The following RNF11 variants were observed in gnomAD, a reference collection of about 807,000 sequenced individuals.
RNF11 encodes ring finger protein 11.
Under a neutral mutation model 15.8 loss-of-function variants are expected in RNF11, and 4 were observed. The ratio of observed to expected loss-of-function variants is 0.25; its 90% CI spans 0.12 to 0.58. RNF11 has a LOEUF of 0.58. RNF11 is among the 20% of genes least tolerant of loss of function. The pLI, the probability that RNF11 is intolerant of heterozygous loss-of-function variation, is 0.91. For missense variants in RNF11, 139 were observed against 194.4 expected (o/e 0.71, Z 1.70); for synonymous variants, 68 against 72.3 (o/e 0.94, Z 0.30).
intron 1 of RNF11, among the ~76,000 whole-genome samples, chr1:51,258,627 A>T (rs1646915814): frequency 6.6e-6 from 1 of 152,186 alleles, no homozygotes; most frequent in African/African-American, 2.4e-5. Context: ...TATCAGAAAT[A>T]CCCATATGTA....
intron 1 of RNF11, among the ~76,000 whole-genome samples, chr1:51,268,010 C>T (rs1049659984): frequency 4.6e-5 from 7 of 152,202 alleles, no homozygotes; most frequent in Admixed American, 6.5e-5. Context: ...GGATTACACG[C>T]ATGAGCTACC....
rs1227314955 is a variant in RNF11, at chr1:51,271,613, CA to C, written c.*292del. ...TAGGAATTGTGTAAAGTGTTAACAG[CA>C]GCTGTATTTGTTTAAATTGTGTGTA... is the stretch of plus-strand genomic sequence containing the variant. On this transcript the variant is annotated 3_prime_UTR_variant, in exon 3 of 3. Transcript: ENST00000242719. 4.7e-6 allele frequency: 1 copy of C among 212,150 alleles called. No homozygotes were observed. The highest frequency in any genetic ancestry group is 9.4e-6 in the Non-Finnish European group (1 of 106,546). The allele number at this position is 212,150 out of a possible 1,614,324, so 13.1% of individuals were successfully genotyped here.
rs1329666464 is a variant in RNF11, at chr1:51,272,584, C to G, written c.*1262C>G. 2.6e-5 allele frequency: 4 copies of G among 152,524 alleles called. No homozygotes were observed. Among genetic ancestry groups the G allele is most frequent in the African/African-American group, 9.7e-5 (4 of 41,432 alleles). 9.4% of individuals were successfully genotyped at this position (152,524 alleles called of 1,614,324 possible). ...GTTAATGTAAGAATACTTTAAATCT[C>G]TAAGCTTCTGAAGTGTTAGAGGTAG... is the stretch of plus-strand genomic sequence containing the variant. On this transcript the variant is annotated 3_prime_UTR_variant, in exon 3 of 3. Transcript: ENST00000242719.
chr1:51,251,236 A>G (rs1569664065), intron 1 of RNF11: 5 of 1,330,122 alleles, frequency 3.8e-6, no homozygotes, highest in Non-Finnish European at 5.3e-6. Flanking sequence ...GAGAAGAGAT[A>G]GATCTCCTCC....
Position 51,257,728 on chromosome 1 carries a change from G to A in RNF11, c.124-12228G>A, listed in dbSNP as rs1214715558. ...CTGCCTCAGCCTCCCAAAGTGCTGG[G>A]ATTACAGGCGTGAGCTACTGTGCCC... On this transcript the variant is annotated intron_variant, in intron 1 of 2. Coordinates refer to ENST00000242719, the MANE Select transcript of RNF11 (RefSeq NM_014372.5). 2.0e-5 allele frequency among the ~76,000 whole-genome samples: 3 copies of A among 151,984 alleles called. No individual in the cohort carries two copies. In the South Asian group the frequency reaches 6.2e-4, roughly 32 times the overall value.
intron 2 of RNF11, 27 bp downstream of exon 2, chr1:51,270,152 C>A: frequency 6.4e-7 from 1 of 1,555,260 alleles, no homozygotes; most frequent in Non-Finnish European, 8.7e-7. Context: ...TTGTACATTT[C>A]AAAGTTTTAT....
Position 51,271,262 on chromosome 1 carries a change from G to A in RNF11, c.405G>A (p.Thr135=), listed in dbSNP as rs763186793. ...CIDDWLMRSF[T]CPSCMEPVDA... is the part of the protein sequence containing the mutation. ...ATGACTGGTTGATGAGATCCTTCACGTGCCCCTCCTGCATGGAGCCAGTTG... is the reference window on the plus strand; with the variant it reads ...ATGACTGGTTGATGAGATCCTTCACATGCCCCTCCTGCATGGAGCCAGTTG... The change falls in exon 3 of 3, where the codon ACG becomes ACA. Residue 135 remains threonine, a synonymous_variant. Transcript: ENST00000242719. The A allele has an allele frequency of 4.3e-6, 7 of 1,613,880 alleles. No homozygotes were observed. The highest frequency in any genetic ancestry group is 2.2e-5 in the East Asian group (1 of 44,888).
intron 1 of RNF11, among the ~76,000 whole-genome samples, chr1:51,268,895 AGAGAATCATGATGGG>A (rs1299794850): frequency 2.0e-5 from 3 of 152,248 alleles, no homozygotes; most frequent in Admixed American, 6.5e-5. Context: ...TCTGCAAAGC[AGAGAATCATGATGGG>A]GAGAATCATG....
intron 1 of RNF11, among the ~76,000 whole-genome samples, chr1:51,237,958 A>G (rs753692544): frequency 1.3e-5 from 2 of 151,880 alleles, no homozygotes; most frequent in Non-Finnish European, 2.9e-5. Flanking sequence ...CACCAGAAAA[A>G]CCTGATCATA....
At position 51,250,909 on chromosome 1, in the gene RNF11, C is replaced by A. The variant is rs980385875; in HGVS notation, c.123+14030C>A. The A allele has an allele frequency of 4.7e-6, 5 of 1,072,194 alleles. No individual in the cohort carries two copies. The Admixed American group carries it at 7.6e-5, about 16-fold the overall frequency. 66.4% of individuals were successfully genotyped at this position (1,072,194 alleles called of 1,614,324 possible). On this transcript the variant is annotated intron_variant, in intron 1 of 2. Transcript: ENST00000242719. ...GGTACAGGGATGAGGTGCACCAGTG[C>A]AGAGCCGCAGCGGCCTGTCACCTTG...
At chr1:51,242,823 G>A (rs142856889) in intron 1 of RNF11, among the ~76,000 whole-genome samples, 1 of 152,096 alleles carries the variant, frequency 6.6e-6, no homozygotes, top group East Asian at 1.9e-4. Context: ...GATAATTAAA[G>A]GGTTGTGTTT....
At chr1:51,249,928 C>T (rs536491288) in intron 1 of RNF11, among the ~76,000 whole-genome samples, 1 of 152,310 alleles carries the variant, frequency 6.6e-6, no homozygotes, top group East Asian at 1.9e-4. Context: ...TTCATTCCTA[C>T]CACCTAGATT....
At chr1:51,256,893 C>T (rs1402670339) in intron 1 of RNF11, among the ~76,000 whole-genome samples, 1 of 152,144 alleles carries the variant, frequency 6.6e-6, no homozygotes, top group Non-Finnish European at 1.5e-5. Context: ...AGGCTGGTTT[C>T]AAACTCCTGA....
At chr1:51,263,636 G>A (rs1314547796) in intron 1 of RNF11, among the ~76,000 whole-genome samples, 2 of 152,168 alleles carry the variant, frequency 1.3e-5, no homozygotes, top group African/African-American at 2.4e-5. Context: ...AGGGTGGTCT[G>A]GAACGAAACC....
chr1:51,237,688 C>G (rs1034674564), intron 1 of RNF11, among the ~76,000 whole-genome samples: 3 of 151,922 alleles, frequency 2.0e-5, no homozygotes, highest in African/African-American at 7.3e-5. Context: ...TTGCAGAATT[C>G]GAGTGAAGAC....
chr1:51,241,205 A>C (rs1014923517), intron 1 of RNF11, among the ~76,000 whole-genome samples: 1 of 152,176 alleles, frequency 6.6e-6, no homozygotes, highest in Non-Finnish European at 1.5e-5. Flanking sequence ...CTCCTGCCTC[A>C]GCCTCTTGAG....
chr1:51,253,732 A>G (rs1050951340), intron 1 of RNF11, among the ~76,000 whole-genome samples: 2 of 152,206 alleles, frequency 1.3e-5, no homozygotes, highest in Non-Finnish European at 2.9e-5. Flanking sequence ...AATTTGCTCA[A>G]CACTTCATTA....
At chr1:51,244,197 G>A (rs1419915463) in intron 1 of RNF11, among the ~76,000 whole-genome samples, 2 of 152,174 alleles carry the variant, frequency 1.3e-5, no homozygotes, top group African/African-American at 4.8e-5. Context: ...CACAAAGCAC[G>A]CACTTATACT....
intron 2 of RNF11, 41 bp from the exon 3 acceptor site, chr1:51,271,110 T>C (rs979985834): frequency 6.4e-7 from 1 of 1,571,044 alleles, no homozygotes; most frequent in African/African-American, 1.3e-5. Context: ...ATAGGACACT[T>C]CTGAAAATGC....
Sources: allele counts gnomAD v4.1 joint callset (sites outside exome capture counted in the v4.1 genomes callset), GRCh38; gene constraint gnomAD v4.1.1; transcripts MANE v1.5; gene names NCBI Gene and HGNC (gene_info 2026-07-23, HGNC 2026-07-21).